The following KCNMA1 variants were observed in gnomAD, a reference collection of about 807,000 sequenced individuals.
KCNMA1 encodes potassium calcium-activated channel subfamily M alpha 1.
A neutral mutation model predicts 140.0 loss-of-function variants in KCNMA1; 29 were observed. The ratio of observed to expected loss-of-function variants is 0.21; its 90% CI spans 0.15 to 0.28. The LOEUF (loss-of-function observed/expected upper bound fraction) is 0.28. Ranked by LOEUF, KCNMA1 falls within the 10% of genes least tolerant of loss-of-function variation. The pLI, the probability that KCNMA1 is intolerant of heterozygous loss-of-function variation, is 1.00. For synonymous variants in KCNMA1, 612 were observed against 611.9 expected, an observed-to-expected ratio of 1.00 and a Z score of 0.00; for missense variants, 880 against 1,602.2, an observed-to-expected ratio of 0.55 and a Z score of 7.70.
At chr10:77,416,591 A>T in intron 1 of KCNMA1, among the ~76,000 whole-genome samples, 1 of 152,210 alleles carries the variant, frequency 6.6e-6, no homozygotes, top group East Asian at 1.9e-4. Flanking sequence ...TGGAGTAAAA[A>T]GATGAGTAAC....
intron 2 of KCNMA1, among the ~76,000 whole-genome samples, chr10:77,343,314 G>A (rs2091417162): frequency 6.6e-6 from 1 of 152,158 alleles, no homozygotes; most frequent in Non-Finnish European, 1.5e-5. Flanking sequence ...AACAATCCAT[G>A]TGATAGGTAT....
intron 1 of KCNMA1, among the ~76,000 whole-genome samples, chr10:77,526,687 CTGTTG>C (rs1255495672): frequency 6.6e-6 from 1 of 152,184 alleles, no homozygotes; most frequent in African/African-American, 2.4e-5. Flanking sequence ...ACTGAATTCT[CTGTTG>C]TGTTGATTTT....
chr10:77,099,544 G>A (rs1055303624), intron 9 of KCNMA1, among the ~76,000 whole-genome samples: 13 of 151,944 alleles, frequency 8.6e-5, no homozygotes, highest in African/African-American at 1.5e-4. Flanking sequence ...GAGAAACCCC[G>A]TCTCTACTAA....
intron 1 of KCNMA1, among the ~76,000 whole-genome samples, chr10:77,613,762 C>G (rs1470789011): frequency 6.6e-6 from 1 of 152,186 alleles, no homozygotes; most frequent in Non-Finnish European, 1.5e-5. Flanking sequence ...GCTCCTCTCA[C>G]GATAGCTGGT....
At chr10:76,995,638 A>C (rs1324230239) in intron 19 of KCNMA1, 2 of 470,938 alleles carry the variant, frequency 4.2e-6, no homozygotes, top group Admixed American at 4.7e-5. Context: ...GCCCTCCACC[A>C]TGGAGGTAAG....
intron 23 of KCNMA1, among the ~76,000 whole-genome samples, chr10:76,921,997 A>G (rs2055982236): frequency 6.6e-6 from 1 of 152,180 alleles, no homozygotes; most frequent in African/African-American, 2.4e-5. Flanking sequence ...GGCCACCCCA[A>G]CAGGGTAGAG....
intron 1 of KCNMA1, among the ~76,000 whole-genome samples, chr10:77,481,774 CAAA>C (rs61269933): frequency 0.59 from 78,029 of 132,660 alleles, 20,881 homozygotes; most frequent in East Asian, 0.8. Context: ...GACTCTGTCT[CAAA>C]AAAAAAAAAA....
intron 1 of KCNMA1, among the ~76,000 whole-genome samples, chr10:77,480,512 T>C (rs919903891): frequency 6.6e-6 from 1 of 152,102 alleles, no homozygotes; most frequent in Admixed American, 6.5e-5. Context: ...TATTAAAGCA[T>C]CCCAGAAAAA....
chr10:77,424,416 A>G (rs1399609320), intron 1 of KCNMA1, among the ~76,000 whole-genome samples: 1 of 152,220 alleles, frequency 6.6e-6, no homozygotes, highest in African/African-American at 2.4e-5. Flanking sequence ...TCACAAAGTC[A>G]GTAAGCAGCT....
At chr10:76,880,564 T>G (rs74677239), downstream of KCNMA1, among the ~76,000 whole-genome samples, 67 of 152,308 alleles carry the variant, frequency 4.4e-4, no homozygotes, top group African/African-American at 1.6e-3. Flanking sequence ...GCAAAGGTAT[T>G]TTACGAACAG....
At chr10:77,023,659 G>C (rs990739187) in intron 16 of KCNMA1, among the ~76,000 whole-genome samples, 1 of 152,152 alleles carries the variant, frequency 6.6e-6, no homozygotes, top group Non-Finnish European at 1.5e-5. Context: ...TCCCCTCTCA[G>C]AGAGTATGAC....
chr10:76,947,082 C>G (rs776688482), intron 22 of KCNMA1, among the ~76,000 whole-genome samples: 1 of 152,148 alleles, frequency 6.6e-6, no homozygotes, highest in Admixed American at 6.5e-5. Flanking sequence ...TGCCTGTAAT[C>G]CCAGCACTTT....
At chr10:77,051,785 C>T (rs2095376498) in intron 14 of KCNMA1, among the ~76,000 whole-genome samples, 1 of 152,118 alleles carries the variant, frequency 6.6e-6, no homozygotes, top group African/African-American at 2.4e-5. Flanking sequence ...GCCTTAATTC[C>T]CTTCACCTGC....
chr10:77,240,351 G>A (rs183569547), intron 3 of KCNMA1, among the ~76,000 whole-genome samples: 62 of 152,222 alleles, frequency 4.1e-4, no homozygotes, highest in African/African-American at 1.4e-3. Flanking sequence ...GAGAAAAATG[G>A]AAATTTAAGC....
intron 5 of KCNMA1, among the ~76,000 whole-genome samples, chr10:77,155,542 C>T (rs1176927153): frequency 6.6e-6 from 1 of 152,152 alleles, no homozygotes; most frequent in East Asian, 1.9e-4. Flanking sequence ...CTGCCCTGTT[C>T]TGCCTCCCTG....
intron 1 of KCNMA1, among the ~76,000 whole-genome samples, chr10:77,598,722 G>GC (rs2081687061): frequency 6.6e-6 from 1 of 152,176 alleles, no homozygotes; most frequent in Non-Finnish European, 1.5e-5. Context: ...CCAAACAACC[G>GC]CCTGGCTCTC....
At chr10:76,966,252 G>A (rs2073883648) in intron 20 of KCNMA1, among the ~76,000 whole-genome samples, 1 of 152,216 alleles carries the variant, frequency 6.6e-6, no homozygotes, top group African/African-American at 2.4e-5. Flanking sequence ...TGGATTCCAT[G>A]TGAGGATTCA....
chr10:77,436,230 C>G (rs1192480464), intron 1 of KCNMA1, among the ~76,000 whole-genome samples: 1 of 152,218 alleles, frequency 6.6e-6, no homozygotes, highest in Non-Finnish European at 1.5e-5. Context: ...GCCCTGCTCT[C>G]AAGCAACATC....
chr10:77,347,015 C>T lies in KCNMA1; in HGVS notation c.540+56847G>A, dbSNP rs144591614. Among the ~76,000 whole-genome samples the T allele has an allele frequency of 1.1e-4, 16 of 152,268 alleles. No individual in the cohort carries two copies. In the East Asian group the frequency reaches 3.1e-3, roughly 29 times the overall value. On this transcript the variant is annotated intron_variant, in intron 2 of 27. Transcript: ENST00000286628. ...AAAGTGTTTCCAGAAAGTAAGGTTG[C>T]CAAGATTTGAATCTCAATGTCACAA...
Sources: allele counts gnomAD v4.1 joint callset (sites outside exome capture counted in the v4.1 genomes callset), GRCh38; gene constraint gnomAD v4.1.1; transcripts MANE v1.5; gene names NCBI Gene and HGNC (gene_info 2026-07-23, HGNC 2026-07-21).